GPATCH8: variants seen among roughly 807,000 people sequenced by gnomAD.
GPATCH8 encodes the protein G-patch domain containing 8, also known as G patch domain-containing protein 8.
A neutral mutation model predicts 118.3 loss-of-function variants in GPATCH8; 18 were observed. That is an observed-to-expected ratio of 0.15 (90% confidence interval 0.11 to 0.23). GPATCH8 has a LOEUF of 0.23. Among genes scored for constraint, GPATCH8 ranks in the 10% least tolerant of loss-of-function variants. The probability of loss-of-function intolerance (pLI) is 1.00; values close to 1 mark genes in which losing one functional copy is unlikely to be tolerated. For missense variants in GPATCH8, 1,631 were observed against 1,873.8 expected, an observed-to-expected ratio of 0.87 and a Z score of 2.39; for synonymous variants, 659 against 684.7, an observed-to-expected ratio of 0.96 and a Z score of 0.59.
chr17:44,420,320 T>C (rs1165527199), intron 6 of GPATCH8, among the ~76,000 whole-genome samples: 2 of 152,200 alleles, frequency 1.3e-5, no homozygotes, highest in Admixed American at 1.3e-4. Flanking sequence ...AAAATGACAA[T>C]AATTTGTTTG....
intron 3 of GPATCH8, among the ~76,000 whole-genome samples, chr17:44,437,411 T>A (rs2144051581): frequency 6.6e-6 from 1 of 152,222 alleles, no homozygotes; most frequent in Admixed American, 6.5e-5. Context: ...CATCACAACC[T>A]GCGCTTTTTA....
chr17:44,431,737 C>T (rs966462326), intron 5 of GPATCH8, among the ~76,000 whole-genome samples: 4 of 151,756 alleles, frequency 2.6e-5, no homozygotes, highest in African/African-American at 9.7e-5. Flanking sequence ...TTGAGACCAG[C>T]CTGGGCAACA....
intron 3 of GPATCH8, among the ~76,000 whole-genome samples, chr17:44,450,506 G>A (rs1237577887): frequency 2.0e-5 from 3 of 152,150 alleles, no homozygotes; most frequent in African/African-American, 7.2e-5. Flanking sequence ...AGAAAACCAA[G>A]TGGGATTTCT....
rs745357153 is a variant in GPATCH8, at chr17:44,398,743, C to T, written c.3334G>A (p.Val1112Met). Residue 1112 changes from valine (V) to methionine (M), a missense_variant, in exon 8 of 8, where the codon GTG becomes ATG. Val to Met is a conservative substitution (Grantham distance 21). Around this residue, in one of 8 missense-constraint regions of GPATCH8, gnomAD observed 922 missense variants for 879.7 expected, o/e 1.05. Transcript: ENST00000591680. ...CCAGCTTTATTAGGGGTGGCCTGCA[C>T]CTCCTCACTCACACTAGGTTTCCTC... ...VERKPSVSEEVQATPNKAGPK... is the reference protein window; with the variant it reads ...VERKPSVSEEMQATPNKAGPK... The T allele has an allele frequency of 2.5e-6, 4 of 1,612,950 alleles. No individual in the cohort carries two copies. The highest frequency in any genetic ancestry group is 3.4e-6 in the Non-Finnish European group (4 of 1,179,082).
Position 44,400,088 on chromosome 17 carries a change from G to A in GPATCH8, c.1989C>T (p.Pro663=). 6.2e-7 allele frequency: 1 copy of A among 1,613,836 alleles called. No homozygotes were observed. The change falls in exon 8 of 8, where the codon CCC becomes CCT. Residue 663 remains proline (P), a synonymous_variant. Coordinates refer to ENST00000591680, the MANE Select transcript of GPATCH8 (RefSeq NM_001002909.4). The part of the protein sequence containing the change: ...SETEDTGRSL[P]SKKERSGKSH... ...ACTTCCCAGATCGTTCTTTCTTGCT[G>A]GGAAGGCTTCTCCCTGTGTCTTCTG...
intron 2 of GPATCH8, chr17:44,467,345 A>G: frequency 4.0e-6 from 1 of 250,776 alleles, no homozygotes; most frequent in Admixed American, 4.2e-5. Context: ...GGGAGAAAAA[A>G]AAGAAAAAAT....
chr17:44,451,402 C>A (rs990712791), intron 3 of GPATCH8, among the ~76,000 whole-genome samples: 4 of 152,088 alleles, frequency 2.6e-5, no homozygotes, highest in African/African-American at 9.7e-5. Flanking sequence ...CCAGATCTGG[C>A]ACCTTTTAAG....
intron 3 of GPATCH8, among the ~76,000 whole-genome samples, chr17:44,462,197 T>C (rs1598559555): frequency 6.6e-6 from 1 of 152,198 alleles, no homozygotes; most frequent in Admixed American, 6.5e-5. Context: ...CTAGCCACTA[T>C]GAACCAGCCC....
chr17:44,414,115 A>ATGTATATATATATATATG (rs2049570685), intron 6 of GPATCH8, among the ~76,000 whole-genome samples: 1 of 83,466 alleles, frequency 1.2e-5, no homozygotes, highest in Non-Finnish European at 2.6e-5. Flanking sequence ...GTATATATAT[A>ATGTATATATATATATATG]TGTATATATA....
chr17:44,407,643 T>G (rs1404224817), intron 6 of GPATCH8, among the ~76,000 whole-genome samples: 1 of 148,810 alleles, frequency 6.7e-6, no homozygotes, highest in Non-Finnish European at 1.5e-5. Flanking sequence ...AAACTGTTAG[T>G]GCCCATAATT....
chr17:44,437,898 C>T (rs1422673757), intron 3 of GPATCH8, among the ~76,000 whole-genome samples: 1 of 102,914 alleles, frequency 9.7e-6, no homozygotes, highest in Non-Finnish European at 2.0e-5. Flanking sequence ...AGTAAAAAAA[C>T]AAAACAAAAA....
At chr17:44,477,989 T>C (rs1008256369) in intron 1 of GPATCH8, among the ~76,000 whole-genome samples, 6 of 100,786 alleles carry the variant, frequency 6.0e-5, no homozygotes, top group African/African-American at 1.6e-4. Flanking sequence ...TTTGTATTTT[T>C]AGTAGAGATG....
chr17:44,482,019 G>A (rs2144412995), intron 1 of GPATCH8, among the ~76,000 whole-genome samples: 1 of 152,210 alleles, frequency 6.6e-6, no homozygotes, highest in African/African-American at 2.4e-5. Context: ...TCCTCAGGAA[G>A]CTGAGGCAGG....
intron 1 of GPATCH8, among the ~76,000 whole-genome samples, chr17:44,500,019 T>G (rs1490074113): frequency 6.6e-6 from 1 of 152,110 alleles, no homozygotes; most frequent in Admixed American, 6.6e-5. Context: ...TAGAAGCCGT[T>G]GGGAGACCAG....
chr17:44,443,461 CAT>C (rs1354717432), intron 3 of GPATCH8, among the ~76,000 whole-genome samples: 1 of 152,112 alleles, frequency 6.6e-6, no homozygotes, highest in African/African-American at 2.4e-5. Context: ...GCAACTCTAA[CAT>C]ATGATATATG....
At chr17:44,480,523 C>T (rs1568050880) in intron 1 of GPATCH8, among the ~76,000 whole-genome samples, 1 of 152,002 alleles carries the variant, frequency 6.6e-6, no homozygotes, top group Non-Finnish European at 1.5e-5. Flanking sequence ...CAAGACCAGC[C>T]TGACCAACAT....
chr17:44,440,081 C>T (rs989139583), intron 3 of GPATCH8, among the ~76,000 whole-genome samples: 4 of 152,140 alleles, frequency 2.6e-5, no homozygotes, highest in African/African-American at 9.7e-5. Flanking sequence ...CTCGCCCGGC[C>T]TCAACTTCTT....
rs1298286781 is a variant in GPATCH8, at chr17:44,483,200, T to A, written c.46-8297A>T. Reference sequence around the variant, plus strand: ...AAATATATATATATATATATATATATATATATATATATATATACAGCCTAC... The same window carrying A: ...AAATATATATATATATATATATATAAATATATATATATATATACAGCCTAC... On this transcript the variant is annotated intron_variant, in intron 1 of 7. Coordinates refer to ENST00000591680, the MANE Select transcript of GPATCH8 (RefSeq NM_001002909.4). Among the ~76,000 whole-genome samples the A allele has an allele frequency of 2.1e-3, 157 of 74,772 alleles. 7 individuals are homozygous for A. The highest frequency in any genetic ancestry group is 2.6e-3 in the Non-Finnish European group (102 of 38,726). 49.1% of individuals were successfully genotyped at this position (74,772 alleles called of 152,430 possible).
chr17:44,400,987 G>T lies in GPATCH8; in HGVS notation c.1090C>A (p.Pro364Thr), dbSNP rs769984886. 3.1e-6 allele frequency: 5 copies of T among 1,613,602 alleles called. No homozygotes were observed. The African/African-American group carries it at 6.7e-5, about 22-fold the overall frequency. ...GAGGCAAGGGACCCTCCATCCTGAGGGTCTTCATCCTCTTTTTTACCATCA... is the reference window on the plus strand; with the variant it reads ...GAGGCAAGGGACCCTCCATCCTGAGTGTCTTCATCCTCTTTTTTACCATCA... Reference protein sequence around the residue: ...NLDGKKEDEDPQDGGSLASTL... With the variant: ...NLDGKKEDEDTQDGGSLASTL... The change falls in exon 8 of 8, where the codon CCT (proline) becomes ACT (threonine). Residue 364 changes from proline (P) to threonine (T), a missense_variant. Pro to Thr is a conservative substitution (Grantham distance 38). Coordinates refer to ENST00000591680, the MANE Select transcript of GPATCH8 (RefSeq NM_001002909.4).
Sources: allele counts gnomAD v4.1 joint callset (sites outside exome capture counted in the v4.1 genomes callset), GRCh38; gene constraint gnomAD v4.1.1; regional missense constraint gnomAD v4.1.1; transcripts MANE v1.5; gene names NCBI Gene and HGNC (gene_info 2026-07-23, HGNC 2026-07-21).